C10orf67: variants seen among roughly 807,000 people sequenced by gnomAD.
C10orf67 encodes the protein chromosome 10 open reading frame 67, also known as uncharacterized protein C10orf67, mitochondrial.
A neutral mutation model predicts 35.6 loss-of-function variants in C10orf67; 60 were observed. The ratio of observed to expected loss-of-function variants is 1.68; its 90% CI spans 1.37 to 2.09. C10orf67 has a LOEUF of 2.09. Ranked by LOEUF, C10orf67 falls within the 30% of genes most tolerant of loss-of-function variation. The pLI, the probability that C10orf67 is intolerant of heterozygous loss-of-function variation, is 0.00. For missense variants in C10orf67, 474 were observed against 330.2 expected, an observed-to-expected ratio of 1.44 and a Z score of -3.38; for synonymous variants, 167 against 115.8, an observed-to-expected ratio of 1.44 and a Z score of -2.84.
At chr10:23,261,317 C>A (rs529343038) in intron 10 of C10orf67, among the ~76,000 whole-genome samples, 5 of 152,146 alleles carry the variant, frequency 3.3e-5, no homozygotes, top group Non-Finnish European at 7.3e-5. Context: ...TTTTAAGACA[C>A]ATTTCTTTGT....
In C10orf67 at chr10:23,227,237, A is replaced by C. The variant is rs373056183; in HGVS notation, c.1435-3419T>G. ...AGCAGCACATCAAAAAGCTTATCCA[A>C]CATGATCAAGTGGGCTTCATCCCTG... On this transcript the variant is annotated intron_variant, in intron 13 of 15. Coordinates refer to ENST00000636213, the MANE Select transcript of C10orf67 (RefSeq NM_001371909.1). Among the ~76,000 whole-genome samples, 27 of 152,084 alleles carry C rather than the reference A, an allele frequency of 1.8e-4. No individual in the cohort carries two copies. The South Asian group carries it at 2.3e-3, about 13-fold the overall frequency.
At chr10:23,270,454 G>A (rs979320541) in intron 8 of C10orf67, among the ~76,000 whole-genome samples, 1 of 152,206 alleles carries the variant, frequency 6.6e-6, no homozygotes, top group Non-Finnish European at 1.5e-5. Flanking sequence ...TGGCAGACTA[G>A]CTGCTCAGGC....
At chr10:23,275,701 C>G (rs1238752632) in intron 8 of C10orf67, among the ~76,000 whole-genome samples, 1 of 152,164 alleles carries the variant, frequency 6.6e-6, no homozygotes, top group Non-Finnish European at 1.5e-5. Context: ...GCTTGGAAAC[C>G]TCAACTGACC....
chr10:23,334,131 A>G (rs1475221922), intron 1 of C10orf67, among the ~76,000 whole-genome samples: 1 of 152,240 alleles, frequency 6.6e-6, no homozygotes, highest in African/African-American at 2.4e-5. Flanking sequence ...TGAGGGTGCC[A>G]ATAATTTTTT....
At position 23,306,681 on chromosome 10, in the gene C10orf67, C is replaced by A. The variant is rs567467323; in HGVS notation, c.547-3222G>T. The stretch of plus-strand genomic sequence containing the variant: ...ACAGTATGGTGACTATGGTTAATAA[C>A]GCTGTATTGTTTACTTGAAATTTGC... On this transcript the variant is annotated intron_variant, in intron 4 of 15. Transcript: ENST00000636213. 3.3e-5 allele frequency among the ~76,000 whole-genome samples: 5 copies of A among 152,112 alleles called. No homozygotes were observed. The South Asian group carries it at 6.2e-4, about 19-fold the overall frequency.
chr10:23,287,725 AC>A, intron 7 of C10orf67, among the ~76,000 whole-genome samples: 1 of 152,358 alleles, frequency 6.6e-6, no homozygotes, highest in East Asian at 1.9e-4. Flanking sequence ...TACCCATCTG[AC>A]AAAGGTCTAA....
At chr10:23,257,498 C>T (rs1842633460) in intron 10 of C10orf67, among the ~76,000 whole-genome samples, 1 of 152,084 alleles carries the variant, frequency 6.6e-6, no homozygotes, top group Non-Finnish European at 1.5e-5. Flanking sequence ...ACATACCCAC[C>T]ACAAAAAGAA....
chr10:23,268,493 C>T (rs775521485), intron 8 of C10orf67, among the ~76,000 whole-genome samples: 1 of 152,116 alleles, frequency 6.6e-6, no homozygotes, highest in Non-Finnish European at 1.5e-5. Flanking sequence ...TCATTGGCAT[C>T]TGAACAACAA....
At chr10:23,202,347 G>A (rs1841048847), downstream of C10orf67, 1 of 152,194 alleles carries the variant, frequency 6.6e-6, no homozygotes, top group Admixed American at 6.5e-5. Flanking sequence ...TTTTTCACCA[G>A]GTCTCGTCTT....
At chr10:23,290,431 T>C (rs955557812) in intron 6 of C10orf67, among the ~76,000 whole-genome samples, 2 of 152,244 alleles carry the variant, frequency 1.3e-5, no homozygotes, top group Non-Finnish European at 2.9e-5. Context: ...TTCATTGTAT[T>C]GCCTGCTCAT....
chr10:23,315,002 T>G (rs1200404503), intron 4 of C10orf67, among the ~76,000 whole-genome samples: 7 of 152,210 alleles, frequency 4.6e-5, no homozygotes, highest in Non-Finnish European at 1.0e-4. Context: ...TACTTGTCAA[T>G]CTACAAAAAG....
chr10:23,231,408 G>C (rs1359093518), intron 13 of C10orf67, among the ~76,000 whole-genome samples: 2 of 152,140 alleles, frequency 1.3e-5, no homozygotes, highest in Non-Finnish European at 2.9e-5. Flanking sequence ...TATTTATGTG[G>C]GTGAGTAAAA....
In C10orf67 at chr10:23,254,420, C is replaced by T. The variant is rs562100292; in HGVS notation, c.1201-3729G>A. Among the ~76,000 whole-genome samples, 92 of 152,194 alleles carry T rather than the reference C, an allele frequency of 6.0e-4. 1 individual carries two copies. The South Asian group carries it at 6.8e-3, about 11-fold the overall frequency. ...AGACGGGGTTTCACCACGTTGGCCA[C>T]GCTGGTCTTGAACTCCTGATCTCAG... On this transcript the variant is annotated intron_variant, in intron 10 of 15. Transcript: ENST00000636213.
intron 4 of C10orf67, among the ~76,000 whole-genome samples, chr10:23,306,382 G>C (rs1380787471): frequency 6.6e-6 from 1 of 151,954 alleles, no homozygotes; most frequent in South Asian, 2.1e-4. Context: ...AAATTAGCTG[G>C]GCATGGTGGC....
At chr10:23,255,039 C>A (rs921755828) in intron 10 of C10orf67, among the ~76,000 whole-genome samples, 1 of 152,256 alleles carries the variant, frequency 6.6e-6, no homozygotes, top group African/African-American at 2.4e-5. Context: ...CATTTTTTAA[C>A]CTGCCATGCA....
chr10:23,252,655 C>G (rs1317157193), intron 10 of C10orf67, among the ~76,000 whole-genome samples: 4 of 152,160 alleles, frequency 2.6e-5, no homozygotes, highest in African/African-American at 9.7e-5. Context: ...CTCATTTGGG[C>G]AAGTAGATGG....
intron 13 of C10orf67, among the ~76,000 whole-genome samples, chr10:23,233,425 A>T (rs1841964580): frequency 6.6e-6 from 1 of 152,236 alleles, no homozygotes; most frequent in Non-Finnish European, 1.5e-5. Flanking sequence ...GAACAAAAGG[A>T]AAAGACTCAA....
chr10:23,323,934 T>TATATATATATATATAC lies in C10orf67; in HGVS notation c.328-1398_328-1397insGTATATATATATATAT, dbSNP rs1564513666. Reference sequence around the variant, plus strand: ...ATATATATATATATATATATATATATATATATATATATATATATACACACA... The same window carrying TATATATATATATATAC: ...ATATATATATATATATATATATATATATATATATATATATACATATATATATATATATATACACACA... On this transcript the variant is annotated intron_variant, in intron 2 of 15. Coordinates refer to ENST00000636213, the MANE Select transcript of C10orf67 (RefSeq NM_001371909.1). Among the ~76,000 whole-genome samples the TATATATATATATATAC allele has an allele frequency of 2.8e-4, 18 of 63,792 alleles. 1 individual carries two copies. The highest frequency in any genetic ancestry group is 4.5e-4 in the Non-Finnish European group (13 of 29,058). 41.9% of individuals were successfully genotyped at this position (63,792 alleles called of 152,430 possible).
At chr10:23,288,938 C>A (rs1188174845) in intron 7 of C10orf67, among the ~76,000 whole-genome samples, 1 of 152,140 alleles carries the variant, frequency 6.6e-6, no homozygotes, top group Non-Finnish European at 1.5e-5. Flanking sequence ...TCGTGCTCCC[C>A]ACTAAGAGAC....
Sources: gnomAD v4.1 joint callset for allele counts (sites outside exome capture counted in the v4.1 genomes callset) on GRCh38, gnomAD v4.1.1 for gene constraint, MANE v1.5 for transcripts, NCBI Gene and HGNC (gene_info 2026-07-23, HGNC 2026-07-21) for gene names.